Variants in APPBP2 observed in about 807,000 individuals in gnomAD.
APPBP2 encodes the protein amyloid protein-binding protein 2.
APPBP2 carries 15 observed loss-of-function variants against 76.0 expected under a neutral mutation model. The observed-to-expected ratio is 0.20, with a 90% CI of 0.13 to 0.30. The LOEUF is 0.30. Ranked by LOEUF, APPBP2 falls within the 10% of genes least tolerant of loss-of-function variation. APPBP2 has a pLI of 1.00. For synonymous variants in APPBP2, 222 were observed against 242.2 expected, an observed-to-expected ratio of 0.92 and a Z score of 0.77; for missense variants, 401 against 687.2, an observed-to-expected ratio of 0.58 and a Z score of 4.66.
intron 4 of APPBP2, among the ~76,000 whole-genome samples, chr17:60,467,277 C>T (rs1247904085): frequency 6.6e-6 from 1 of 152,078 alleles, no homozygotes; most frequent in Non-Finnish European, 1.5e-5. Context: ...AAAAGAAAAA[C>T]AAGGATGGAC....
At chr17:60,460,619 A>T in intron 9 of APPBP2, 44 bp downstream of exon 9, 1 of 1,579,038 alleles carries the variant, frequency 6.3e-7, no homozygotes, top group Non-Finnish European at 8.6e-7. Flanking sequence ...AAATAAAACA[A>T]AAACAGTATT....
At chr17:60,519,762 T>A (rs2090993267) in intron 1 of APPBP2, among the ~76,000 whole-genome samples, 1 of 151,614 alleles carries the variant, frequency 6.6e-6, no homozygotes, top group African/African-American at 2.4e-5. Flanking sequence ...TTTTATAATT[T>A]TAGTAGCCAA....
intron 1 of APPBP2, among the ~76,000 whole-genome samples, chr17:60,504,442 T>C (rs1253114959): frequency 6.6e-6 from 1 of 152,082 alleles, no homozygotes; most frequent in African/African-American, 2.4e-5. Flanking sequence ...AAAAAATTAC[T>C]TAATAAAGAG....
chr17:60,495,319 T>C (rs2090765375), intron 2 of APPBP2, among the ~76,000 whole-genome samples: 1 of 151,992 alleles, frequency 6.6e-6, no homozygotes, highest in African/African-American at 2.4e-5. Flanking sequence ...AAAAGATATA[T>C]AAATGCCAAT....
At chr17:60,493,685 G>A (rs1480866705) in intron 3 of APPBP2, among the ~76,000 whole-genome samples, 1 of 148,804 alleles carries the variant, frequency 6.7e-6, no homozygotes, top group Non-Finnish European at 1.5e-5. Flanking sequence ...TGTTACCCAG[G>A]CTGGAGTGCA....
At chr17:60,504,298 C>T (rs933834508) in intron 1 of APPBP2, among the ~76,000 whole-genome samples, 1 of 151,954 alleles carries the variant, frequency 6.6e-6, no homozygotes, top group Admixed American at 6.6e-5. Context: ...TAATAAAATA[C>T]AATTAAAACA....
At position 60,525,857 on chromosome 17, in the gene APPBP2, G is replaced by A. The variant is rs776891131; in HGVS notation, c.75C>T (p.Tyr25=). 19 of 1,613,866 alleles carry A rather than the reference G, an allele frequency of 1.2e-5. No individual in the cohort carries two copies. Among genetic ancestry groups the A allele is most frequent in the Non-Finnish European group, 1.6e-5 (19 of 1,179,982 alleles). The change falls in exon 1 of 13, where the codon TAC becomes TAT. Residue 25 remains tyrosine, a synonymous_variant. Transcript: ENST00000083182. ...AGCGGATGTCTCGGCGGGAGCGGAT[G>A]TAGTTGTCCACGACAGCGGAGATGG... ...NTAISAVVDN[Y]IRSRRDIRSL...
intron 3 of APPBP2, among the ~76,000 whole-genome samples, chr17:60,484,455 G>A (rs2090656735): frequency 6.6e-6 from 1 of 152,212 alleles, no homozygotes; most frequent in Non-Finnish European, 1.5e-5. Context: ...TCCCTTGTAG[G>A]TTGGATTCCT....
intron 11 of APPBP2, among the ~76,000 whole-genome samples, chr17:60,454,007 G>C (rs995465925): frequency 6.6e-6 from 1 of 152,108 alleles, no homozygotes; most frequent in African/African-American, 2.4e-5. Flanking sequence ...AAGTAGGTAG[G>C]AAGACAGGCA....
Position 60,525,996 on chromosome 17 carries a change from G to T in APPBP2, c.-65C>A. On this transcript the variant is annotated 5_prime_UTR_variant, in exon 1 of 13. Transcript: ENST00000083182. The stretch of plus-strand genomic sequence containing the variant: ...CCGAAGGCCCCCACCTCCCTCCGTA[G>T]CGAACCCCTCTGCGGCCCCGGAGGA... 6.7e-7 allele frequency: 1 copy of T among 1,485,008 alleles called. No individual in the cohort carries two copies. The highest frequency in any genetic ancestry group is 2.5e-5 in the East Asian group (1 of 40,634). 92.0% of individuals were successfully genotyped at this position (1,485,008 alleles called of 1,614,324 possible).
At chr17:60,454,210 T>C (rs1261550157) in intron 11 of APPBP2, 92 bp downstream of exon 11, 9 of 926,662 alleles carry the variant, frequency 9.7e-6, no homozygotes, top group Non-Finnish European at 1.4e-5. Flanking sequence ...GTGCAATAAG[T>C]GTATAATTTA....
At chr17:60,459,211 T>G (rs1175786514) in intron 9 of APPBP2, among the ~76,000 whole-genome samples, 1 of 152,176 alleles carries the variant, frequency 6.6e-6, no homozygotes, top group East Asian at 1.9e-4. Context: ...ATGAAATGTC[T>G]GTATAGTTTG....
intron 4 of APPBP2, among the ~76,000 whole-genome samples, chr17:60,478,002 A>T (rs116314140): frequency 0.022 from 3,327 of 151,088 alleles, 102 homozygotes; most frequent in African/African-American, 0.066. Context: ...AAATATATTT[A>T]AAAAAAAACC....
chr17:60,499,204 G>T lies in APPBP2; in HGVS notation c.227+1195C>A, dbSNP rs536186426. 5.9e-5 allele frequency among the ~76,000 whole-genome samples: 9 copies of T among 151,370 alleles called. No individual in the cohort carries two copies. In the East Asian group the frequency reaches 1.4e-3, roughly 23 times the overall value. The stretch of plus-strand genomic sequence containing the variant: ...AAATTAGCTGGGTGTGATAGCATGC[G>T]CCTATAGTCCCAGCTACTCAGGAGG... On this transcript the variant is annotated intron_variant, in intron 2 of 12. Transcript: ENST00000083182.
intron 1 of APPBP2, among the ~76,000 whole-genome samples, chr17:60,510,655 G>A (rs150383053): frequency 0.015 from 2,353 of 152,086 alleles, 64 homozygotes; most frequent in African/African-American, 0.052. Flanking sequence ...GGTTGAGGCC[G>A]CAGTGAGCCA....
At chr17:60,508,779 T>C (rs913110148) in intron 1 of APPBP2, among the ~76,000 whole-genome samples, 1 of 152,096 alleles carries the variant, frequency 6.6e-6, no homozygotes, top group Non-Finnish European at 1.5e-5. Context: ...ACTCAGAATC[T>C]GGCATTAAAA....
At chr17:60,494,411 G>T in intron 3 of APPBP2, 55 bp downstream of exon 3, 3 of 1,571,228 alleles carry the variant, frequency 1.9e-6, no homozygotes, top group Non-Finnish European at 2.6e-6. Context: ...TTTGTTAGCA[G>T]ATTTAATTCT....
intron 1 of APPBP2, among the ~76,000 whole-genome samples, chr17:60,520,862 A>G (rs945983385): frequency 6.6e-6 from 1 of 152,134 alleles, no homozygotes; most frequent in Non-Finnish European, 1.5e-5. Flanking sequence ...ACACCTGGCC[A>G]TAAACTTCAT....
At chr17:60,524,275 C>T (rs1295038290) in intron 1 of APPBP2, among the ~76,000 whole-genome samples, 1 of 152,180 alleles carries the variant, frequency 6.6e-6, no homozygotes, top group African/African-American at 2.4e-5. Flanking sequence ...TGAGAGATTA[C>T]ATATGAGGTA....
Sources: allele counts gnomAD v4.1 joint callset (sites outside exome capture counted in the v4.1 genomes callset), GRCh38; gene constraint gnomAD v4.1.1; transcripts MANE v1.5; gene names NCBI Gene and HGNC (gene_info 2026-07-23, HGNC 2026-07-21).